The following TNIP1 variants were observed in gnomAD, a reference collection of about 807,000 sequenced individuals.
TNIP1 encodes TNFAIP3 interacting protein 1.
In TNIP1, 22 loss-of-function variants were observed where a neutral mutation model predicts 86.6. The ratio of observed to expected loss-of-function variants is 0.25; its 90% CI spans 0.18 to 0.36. The LOEUF (loss-of-function observed/expected upper bound fraction) is 0.36, where lower values mean the gene tolerates loss of function less well. Ranked by LOEUF, TNIP1 falls within the 10% of genes least tolerant of loss-of-function variation. The pLI is 1.00. For synonymous variants in TNIP1, 294 were observed against 313.0 expected, an observed-to-expected ratio of 0.94 and a Z score of 0.64; for missense variants, 709 against 820.6, an observed-to-expected ratio of 0.86 and a Z score of 1.66.
intron 1 of TNIP1, among the ~76,000 whole-genome samples, chr5:151,072,357 G>C (rs1364266492): frequency 2.6e-5 from 4 of 152,208 alleles, no homozygotes; most frequent in Non-Finnish European, 4.4e-5. Context: ...ACAGGGTTTA[G>C]AATCTCAGGC....
chr5:151,056,156 T>A (rs1760630409), intron 6 of TNIP1, among the ~76,000 whole-genome samples: 2 of 152,096 alleles, frequency 1.3e-5, no homozygotes, highest in African/African-American at 2.4e-5. Context: ...CATACAGCAA[T>A]AAAGGGTCAC....
intron 11 of TNIP1, among the ~76,000 whole-genome samples, chr5:151,041,090 A>C (rs941010383): frequency 3.1e-4 from 38 of 122,644 alleles, no homozygotes; most frequent in African/African-American, 1.2e-3. Context: ...TTTTTTTTTG[A>C]GACAGGGTCT....
In TNIP1 at chr5:151,030,488, T is replaced by TC; in HGVS notation, c.*224dup. On this transcript the variant is annotated 3_prime_UTR_variant, in exon 18 of 18. Coordinates refer to ENST00000521591, the MANE Select transcript of TNIP1 (RefSeq NM_006058.5). Reference sequence around the variant, plus strand: ...CACTCAGCAGCAGGGAAGGAGTTTTTCCCAGTCACTCCCAGCAGAGTACAA... The same window carrying TC: ...CACTCAGCAGCAGGGAAGGAGTTTTTCCCCAGTCACTCCCAGCAGAGTACAA... 1.6e-6 allele frequency: 1 copy of TC among 643,296 alleles called. No individual in the cohort carries two copies. 39.8% of individuals were successfully genotyped at this position (643,296 alleles called of 1,614,324 possible).
chr5:151,047,257 C>A (rs774443140), intron 8 of TNIP1, among the ~76,000 whole-genome samples: 1 of 152,206 alleles, frequency 6.6e-6, no homozygotes, highest in South Asian at 2.1e-4. Context: ...GAGATTCTTG[C>A]CAAAACACGT....
chr5:151,046,193 C>G (rs1759145094), intron 8 of TNIP1: 13 of 533,372 alleles, frequency 2.4e-5, no homozygotes, highest in Non-Finnish European at 2.7e-5. Flanking sequence ...CTTCCCTTCT[C>G]CCCTCCCTAC....
Position 151,038,572 on chromosome 5 carries a change from G to C in TNIP1, c.1263+525C>G, listed in dbSNP as rs138789465. Among the ~76,000 whole-genome samples, 1,420 of 152,300 alleles carry C rather than the reference G, an allele frequency of 9.3e-3. 20 individuals are homozygous for C. The highest frequency in any genetic ancestry group is 0.031 in the African/African-American group (1,302 of 41,572). ...CATCTCCCTGGATCCCACTGCACAA[G>C]GGCGGGCCCCTCAGCCCGTGCTCCT... On this transcript the variant is annotated intron_variant, in intron 12 of 17. Transcript: ENST00000521591.
intron 12 of TNIP1, among the ~76,000 whole-genome samples, chr5:151,037,606 T>C (rs1049386653): frequency 6.6e-6 from 1 of 152,210 alleles, no homozygotes; most frequent in Admixed American, 6.5e-5. Context: ...CACAATAGAT[T>C]ATATAAACAG....
chr5:151,040,624 G>C (rs1758298363), intron 11 of TNIP1, among the ~76,000 whole-genome samples: 1 of 152,210 alleles, frequency 6.6e-6, no homozygotes, highest in Non-Finnish European at 1.5e-5. Context: ...CAAAGAGCCA[G>C]GATGTCTGGC....
At chr5:151,072,813 C>T (rs1160758141) in intron 1 of TNIP1, among the ~76,000 whole-genome samples, 1 of 152,214 alleles carries the variant, frequency 6.6e-6, no homozygotes, top group Non-Finnish European at 1.5e-5. Flanking sequence ...TTGAGGGAGC[C>T]TGGGTATACA....
chr5:151,041,513 G>A (rs1266112194), intron 11 of TNIP1, among the ~76,000 whole-genome samples: 3 of 152,154 alleles, frequency 2.0e-5, no homozygotes, highest in Non-Finnish European at 4.4e-5. Flanking sequence ...GTCTACAGGT[G>A]CACACTGCCA....
Position 151,045,146 on chromosome 5 carries a change from C to T in TNIP1, c.936+715G>A, listed in dbSNP as rs140108255. ...TTGCTCTGTTGCCCAGGCTGGCACG[C>T]GGTGGCACGGTCTCGGATCACTGCA... On this transcript the variant is annotated intron_variant, in intron 9 of 17. Transcript: ENST00000521591. 1.0e-3 allele frequency among the ~76,000 whole-genome samples: 155 copies of T among 152,118 alleles called. 1 individual carries two copies. The highest frequency in any genetic ancestry group is 3.5e-3 in the African/African-American group (145 of 41,478).
chr5:151,074,508 T>C (rs1329891669), intron 1 of TNIP1, among the ~76,000 whole-genome samples: 2 of 152,274 alleles, frequency 1.3e-5, no homozygotes, highest in Non-Finnish European at 2.9e-5. Context: ...TTTCTCCCTA[T>C]GGAAATGTTA....
chr5:151,035,487 G>T, intron 14 of TNIP1, 95 bp downstream of exon 14: 1 of 1,567,710 alleles, frequency 6.4e-7, no homozygotes. Context: ...AGCAGTGAGG[G>T]TCCTGACATC....
chr5:151,036,597 G>A (rs1239835431), intron 13 of TNIP1, among the ~76,000 whole-genome samples, 193 bp downstream of exon 13: 1 of 152,190 alleles, frequency 6.6e-6, no homozygotes, highest in African/African-American at 2.4e-5. Context: ...TCATAAAGGT[G>A]GTAGAGGAAC....
Position 151,036,824 on chromosome 5 carries a change from T to C in TNIP1, c.1361A>G (p.Glu454Gly), listed in dbSNP as rs1757765947. 2 of 1,614,066 alleles carry C rather than the reference T, an allele frequency of 1.2e-6. No individual in the cohort carries two copies. Among genetic ancestry groups the C allele is most frequent in the African/African-American group, 1.3e-5 (1 of 75,046 alleles). ...EGAGALLRKQ[E>G]LVTQNELLKQ... ...CAGCAACTCATTCTGCGTGACCAGC[T>C]CCTGTTTCCTTAGGAGGGCCCCTGC... is the stretch of plus-strand genomic sequence containing the variant. Residue 454 changes from glutamate to glycine, a missense_variant, in exon 13 of 18, where the codon GAG becomes GGG. By Grantham distance (98) the Glu-to-Gly change is moderately conservative (BLOSUM62 -2). Transcript: ENST00000521591.
chr5:151,048,778 G>C (rs576355405), intron 8 of TNIP1, among the ~76,000 whole-genome samples: 2 of 152,284 alleles, frequency 1.3e-5, no homozygotes, highest in South Asian at 4.2e-4. Context: ...ATCTGATTTG[G>C]GGAATAAAGG....
At chr5:151,042,842 A>T in intron 10 of TNIP1, 54 bp downstream of exon 10, 1 of 1,610,748 alleles carries the variant, frequency 6.2e-7, no homozygotes, top group Middle Eastern at 2.1e-4. Flanking sequence ...CTAAAGAGGC[A>T]GCGAGATGAA....
At chr5:151,074,014 T>C (rs148056445) in intron 1 of TNIP1, among the ~76,000 whole-genome samples, 1 of 152,370 alleles carries the variant, frequency 6.6e-6, no homozygotes, top group African/African-American at 2.4e-5. Flanking sequence ...AAGAAACTTT[T>C]ATTTTACCTA....
rs1761881670 is a variant in TNIP1 at position 151,063,713 on chromosome 5, G to A, written c.171C>T (p.Thr57=). ...GCTCCTCTGCCTTCTGCCGGAGCCT[G>A]GTCGCTTCCATCTGGGACTCTTCCA... ...ELLEESQMEA[T]RLRQKAEELV... Residue 57 remains threonine, a synonymous_variant, in exon 3 of 18, where the codon ACC becomes ACT. Coordinates refer to ENST00000521591, the MANE Select transcript of TNIP1 (RefSeq NM_006058.5). The A allele has an allele frequency of 3.1e-6, 5 of 1,614,088 alleles. No individual in the cohort carries two copies. The East Asian group carries it at 1.1e-4, about 36-fold the overall frequency.
Sources: gnomAD v4.1 joint callset for allele counts (sites outside exome capture counted in the v4.1 genomes callset) on GRCh38, gnomAD v4.1.1 for gene constraint, MANE v1.5 for transcripts, NCBI Gene and HGNC (gene_info 2026-07-23, HGNC 2026-07-21) for gene names.